Variants in PCDHA8 observed in about 807,000 individuals in gnomAD.
PCDHA8 encodes protocadherin alpha-8.
A neutral mutation model predicts 61.8 loss-of-function variants in PCDHA8; 53 were observed. That is an observed-to-expected ratio of 0.86 (90% CI 0.69 to 1.08). The LOEUF is 1.08. Ranked by LOEUF, PCDHA8 falls within the 50% of genes least tolerant of loss-of-function variation. The pLI, the probability that PCDHA8 is intolerant of heterozygous loss-of-function variation, is 0.00. For synonymous variants in PCDHA8, 618 were observed against 556.6 expected (o/e 1.11, Z -1.55); for missense variants, 1,293 against 1,245.0 (o/e 1.04, Z -0.58).
At chr5:140,994,355 G>A (rs2097616615) in intron 3 of PCDHA8, among the ~76,000 whole-genome samples, 2 of 152,240 alleles carry the variant, frequency 1.3e-5, no homozygotes, top group South Asian at 4.1e-4. Flanking sequence ...TGGGACCTCA[G>A]AAGATGGAAT....
chr5:140,901,232 AT>A (rs2068522830), intron 1 of PCDHA8, among the ~76,000 whole-genome samples: 4 of 152,022 alleles, frequency 2.6e-5, no homozygotes, highest in East Asian at 1.9e-4. Context: ...CCATATATCC[AT>A]TTTTTTCCTT....
chr5:140,876,960 G>A (rs781808609), intron 1 of PCDHA8: 4 of 1,613,122 alleles, frequency 2.5e-6, no homozygotes, highest in East Asian at 4.5e-5. Context: ...CGCTGGTGGA[G>A]CGGCGGGTGG....
intron 3 of PCDHA8, among the ~76,000 whole-genome samples, chr5:140,985,179 C>T (rs1056430017): frequency 5.9e-5 from 9 of 152,132 alleles, no homozygotes; most frequent in African/African-American, 1.9e-4. Flanking sequence ...CCTCGTAATC[C>T]GCCTGCCTCG....
chr5:140,863,075 C>A (rs546237964), intron 1 of PCDHA8: 2 of 569,532 alleles, frequency 3.5e-6, no homozygotes, highest in South Asian at 1.4e-5. Context: ...GGGCTCTGCA[C>A]GGGCGAGATC....
rs1266010631 is a variant in PCDHA8, at chr5:140,857,226, C to T, written c.2394+13511C>T. 4.4e-6 allele frequency: 7 copies of T among 1,598,494 alleles called. 1 individual carries two copies. Among genetic ancestry groups the T allele is most frequent in the Non-Finnish European group, 5.1e-6 (6 of 1,167,908 alleles). On this transcript the variant is annotated intron_variant, in intron 1 of 3. Coordinates refer to ENST00000531613, the MANE Select transcript of PCDHA8 (RefSeq NM_018911.3). ...ACCTGCTCTCTGACGCCTCACGTTC[C>T]GTTCAAGCTGGTGTCCACCTACAAG...
intron 1 of PCDHA8, among the ~76,000 whole-genome samples, chr5:140,952,087 C>T (rs2094684318): frequency 6.6e-6 from 1 of 152,162 alleles, no homozygotes. Context: ...CTCCATGTCT[C>T]ACATCCAGGG....
chr5:140,847,032 A>C (rs1780821706), intron 1 of PCDHA8, among the ~76,000 whole-genome samples: 1 of 149,836 alleles, frequency 6.7e-6, no homozygotes. Context: ...GAAAGAGAAA[A>C]CATAAGGAAA....
At chr5:140,967,138 G>A in intron 1 of PCDHA8, 1 of 1,611,568 alleles carries the variant, frequency 6.2e-7, no homozygotes, top group Middle Eastern at 1.7e-4. Flanking sequence ...TGGAAGTGCT[G>A]GCGCACAACC....
intron 1 of PCDHA8, chr5:140,927,414 A>T: frequency 6.2e-7 from 1 of 1,614,114 alleles, no homozygotes; most frequent in South Asian, 1.1e-5. Context: ...TGGACATGGG[A>T]TCGCGGGTTG....
At chr5:140,907,134 C>A (rs1167927748) in intron 1 of PCDHA8, among the ~76,000 whole-genome samples, 1 of 152,112 alleles carries the variant, frequency 6.6e-6, no homozygotes, top group Non-Finnish European at 1.5e-5. Flanking sequence ...CCTGTGAATT[C>A]CGGCTATGGG....
chr5:140,973,754 G>A (rs2096600951), intron 1 of PCDHA8, among the ~76,000 whole-genome samples: 1 of 152,198 alleles, frequency 6.6e-6, no homozygotes, highest in South Asian at 2.1e-4. Flanking sequence ...CACTCTGCAG[G>A]GACACAGCCT....
chr5:140,944,463 A>C (rs2093660880), intron 1 of PCDHA8, among the ~76,000 whole-genome samples: 1 of 152,198 alleles, frequency 6.6e-6, no homozygotes, highest in Admixed American at 6.5e-5. Flanking sequence ...CTGGGATTAC[A>C]GGTATGAGGC....
chr5:140,970,641 T>C (rs1430565577), intron 1 of PCDHA8, among the ~76,000 whole-genome samples: 1 of 152,170 alleles, frequency 6.6e-6, no homozygotes, highest in African/African-American at 2.4e-5. Context: ...GTACCATAAA[T>C]AGTGATGAAT....
chr5:140,927,127 G>C (rs1202029150), intron 1 of PCDHA8: 1 of 1,613,964 alleles, frequency 6.2e-7, no homozygotes, highest in Non-Finnish European at 8.5e-7. Context: ...GGTGGTCAGA[G>C]AGCCGGCGGA....
intron 1 of PCDHA8, among the ~76,000 whole-genome samples, chr5:140,946,752 A>G (rs1470208958): frequency 9.2e-5 from 14 of 151,470 alleles, no homozygotes; most frequent in African/African-American, 3.4e-4. Context: ...CAAATACTGC[A>G]TGATCTCATT....
chr5:140,975,202 T>G (rs143285430), intron 1 of PCDHA8, among the ~76,000 whole-genome samples: 4 of 152,352 alleles, frequency 2.6e-5, no homozygotes, highest in African/African-American at 7.2e-5. Flanking sequence ...TCCATCTTCA[T>G]GGCTGGCACT....
intron 1 of PCDHA8, chr5:140,884,644 C>T (rs1554181804): frequency 6.2e-7 from 1 of 1,608,094 alleles, no homozygotes; most frequent in South Asian, 1.1e-5. Flanking sequence ...GGGAGGAGGA[C>T]TCAGAATGCT....
chr5:140,930,747 CAT>C (rs2087070106), intron 1 of PCDHA8, among the ~76,000 whole-genome samples: 1 of 152,116 alleles, frequency 6.6e-6, no homozygotes, highest in Non-Finnish European at 1.5e-5. Context: ...AATAAATTTA[CAT>C]ATGTTAAAAT....
intron 3 of PCDHA8, among the ~76,000 whole-genome samples, chr5:140,996,257 C>G (rs186736348): frequency 1.4e-4 from 22 of 152,342 alleles, no homozygotes; most frequent in African/African-American, 5.3e-4. Flanking sequence ...GACAGCAACA[C>G]AGAGCCTGGG....
Sources: gnomAD v4.1 joint callset for allele counts (sites outside exome capture counted in the v4.1 genomes callset) on GRCh38, gnomAD v4.1.1 for gene constraint, MANE v1.5 for transcripts, NCBI Gene and HGNC (gene_info 2026-07-23, HGNC 2026-07-21) for gene names.